The following ATP2B2 variants were observed in gnomAD, a reference collection of about 807,000 sequenced individuals.
ATP2B2 encodes the protein ATPase plasma membrane Ca2+ transporting 2.
In ATP2B2, 15 loss-of-function variants were observed where a neutral mutation model predicts 120.0. That is an observed-to-expected ratio of 0.12 (90% CI 0.08 to 0.19). The LOEUF (loss-of-function observed/expected upper bound fraction) is 0.19. ATP2B2 is among the 10% of genes least tolerant of loss of function. ATP2B2 has a pLI of 1.00. For synonymous variants in ATP2B2, 694 were observed against 700.3 expected, an observed-to-expected ratio of 0.99 and a Z score of 0.14; for missense variants, 1,045 against 1,719.8, an observed-to-expected ratio of 0.61 and a Z score of 6.94.
chr3:10,370,568 T>A lies in ATP2B2; in HGVS notation c.1659+1241A>T, dbSNP rs115968695. ...CCCTTAGCCTGCTGCTCCAGGATGA[T>A]GCGGGTGGCTGCTCAGCTGCTGTGG... On this transcript the variant is annotated intron_variant, in intron 12 of 22. Coordinates refer to ENST00000360273, the MANE Select transcript of ATP2B2 (RefSeq NM_001001331.4). 3.1e-3 allele frequency among the ~76,000 whole-genome samples: 469 copies of A among 152,334 alleles called. 2 individuals are homozygous for A. Among genetic ancestry groups the A allele is most frequent in the African/African-American group, 0.011 (442 of 41,572 alleles).
intron 2 of ATP2B2, among the ~76,000 whole-genome samples, chr3:10,438,308 C>T (rs2063542462): frequency 6.6e-6 from 1 of 152,216 alleles, no homozygotes; most frequent in African/African-American, 2.4e-5. Flanking sequence ...AGGGAACACT[C>T]CATTCTGCTG....
At chr3:10,460,745 G>A (rs1559365825) in intron 1 of ATP2B2, among the ~76,000 whole-genome samples, 2 of 152,194 alleles carry the variant, frequency 1.3e-5, no homozygotes, top group Non-Finnish European at 2.9e-5. Context: ...GTCCATCAGT[G>A]CCATCTGCCA....
intron 2 of ATP2B2, among the ~76,000 whole-genome samples, chr3:10,422,864 C>T (rs1444840253): frequency 6.6e-6 from 1 of 152,234 alleles, no homozygotes; most frequent in African/African-American, 2.4e-5. Context: ...CTATCACCTG[C>T]CTTTTCTCCA....
rs549979948 is a variant in ATP2B2 at position 10,703,122 on chromosome 3, C to A, written c.-460+4793G>T. Among the ~76,000 whole-genome samples, 7 of 152,330 alleles carry A rather than the reference C, an allele frequency of 4.6e-5. No homozygotes were observed. The East Asian group carries it at 7.7e-4, about 17-fold the overall frequency. On this transcript the variant is annotated intron_variant, in intron 1 of 21. Coordinates refer to the ATP2B2 transcript ENST00000646379. ...CCTCCGTCATTCTTCAAAGGTCTCT[C>A]CCCTGGAGACAATCCTCAGCGGCTC...
chr3:10,599,041 A>G (rs1171230113), intron 2 of ATP2B2, among the ~76,000 whole-genome samples: 1 of 152,236 alleles, frequency 6.6e-6, no homozygotes, highest in African/African-American at 2.4e-5. Flanking sequence ...GGCTTCAGAG[A>G]GGGACCCAGT....
At chr3:10,491,517 C>A (rs1042510512) in intron 1 of ATP2B2, among the ~76,000 whole-genome samples, 1 of 152,178 alleles carries the variant, frequency 6.6e-6, no homozygotes, top group East Asian at 1.9e-4. Flanking sequence ...TGAGCCAATG[C>A]GCCTGGCCTG....
intron 2 of ATP2B2, among the ~76,000 whole-genome samples, chr3:10,612,800 G>C (rs1187263181): frequency 6.6e-6 from 1 of 152,192 alleles, no homozygotes; most frequent in East Asian, 1.9e-4. Flanking sequence ...TTAGTAAATA[G>C]CACCAGCCTC....
intron 2 of ATP2B2, among the ~76,000 whole-genome samples, chr3:10,562,989 T>G (rs1559460288): frequency 6.6e-6 from 1 of 152,266 alleles, no homozygotes; most frequent in Non-Finnish European, 1.5e-5. Context: ...TATGGTTCCA[T>G]CCTATTTTCT....
At chr3:10,536,236 T>G (rs923386409) in intron 2 of ATP2B2, among the ~76,000 whole-genome samples, 1 of 152,174 alleles carries the variant, frequency 6.6e-6, no homozygotes, top group Non-Finnish European at 1.5e-5. Context: ...TTTTGAGACT[T>G]TTTTGTATAT....
At chr3:10,535,061 G>C (rs529843424) in intron 2 of ATP2B2, among the ~76,000 whole-genome samples, 142 of 151,922 alleles carry the variant, frequency 9.3e-4, no homozygotes, top group African/African-American at 2.9e-3. Flanking sequence ...ATGCTGCCAT[G>C]CCTGACTAAC....
intron 2 of ATP2B2, among the ~76,000 whole-genome samples, chr3:10,447,018 C>A (rs2063859557): frequency 6.6e-6 from 1 of 152,226 alleles, no homozygotes; most frequent in Non-Finnish European, 1.5e-5. Context: ...TCCTCCATAG[C>A]CAAGTCCAAA....
At chr3:10,463,537 C>A (rs2064592057) in intron 1 of ATP2B2, among the ~76,000 whole-genome samples, 1 of 152,234 alleles carries the variant, frequency 6.6e-6, no homozygotes, top group Non-Finnish European at 1.5e-5. Flanking sequence ...TCCCCTTTCA[C>A]AGATGAGCAA....
intron 2 of ATP2B2, among the ~76,000 whole-genome samples, chr3:10,556,019 C>T (rs1357719151): frequency 6.6e-6 from 1 of 152,220 alleles, no homozygotes; most frequent in Non-Finnish European, 1.5e-5. Context: ...TTGCCTCAGC[C>T]TCCTGAGTAG....
chr3:10,544,145 C>A (rs961781950), intron 2 of ATP2B2, among the ~76,000 whole-genome samples: 19 of 152,134 alleles, frequency 1.2e-4, no homozygotes, highest in African/African-American at 4.6e-4. Flanking sequence ...AATATGACTG[C>A]CATCATGGTC....
intron 3 of ATP2B2, among the ~76,000 whole-genome samples, chr3:10,410,114 C>T (rs1397287245): frequency 6.6e-6 from 1 of 152,128 alleles, no homozygotes; most frequent in Non-Finnish European, 1.5e-5. Context: ...GCAGATTAAC[C>T]CCCTTTTCTG....
chr3:10,388,759 C>T (rs2061758010), intron 5 of ATP2B2, among the ~76,000 whole-genome samples: 2 of 152,200 alleles, frequency 1.3e-5, no homozygotes, highest in Admixed American at 6.5e-5. Flanking sequence ...TTATCAGTGT[C>T]CATGATGCCA....
Position 10,375,553 on chromosome 3 carries a change from C to T in ATP2B2, c.1293G>A (p.Glu431=), listed in dbSNP as rs759795690. ...AGTACTGCACGTAGACGGGCGTGCACTCAGGCAGCCACGGCTTCTTGTTGA... is the reference window on the plus strand; with the variant it reads ...AGTACTGCACGTAGACGGGCGTGCATTCAGGCAGCCACGGCTTCTTGTTGA... The part of the protein sequence containing the change: ...FVVNKKPWLP[E]CTPVYVQYFV... The change falls in exon 11 of 23, where the codon GAG becomes GAA. Residue 431 remains glutamate (E), a synonymous_variant. Transcript: ENST00000360273. The surrounding 1 kb of genome is among the most constrained non-coding windows in gnomAD (Gnocchi z 4.2). 5.0e-6 allele frequency: 8 copies of T among 1,613,732 alleles called. No homozygotes were observed. Among genetic ancestry groups the T allele is most frequent in the Non-Finnish European group, 6.8e-6 (8 of 1,180,028 alleles).
At chr3:10,699,941 C>T (rs1208244351) in intron 1 of ATP2B2, among the ~76,000 whole-genome samples, 2 of 152,142 alleles carry the variant, frequency 1.3e-5, no homozygotes, top group African/African-American at 4.8e-5. Flanking sequence ...TGAACGCATA[C>T]ATTTCTCTTC....
At chr3:10,638,085 A>G (rs11710819) in intron 1 of ATP2B2, among the ~76,000 whole-genome samples, 4,274 of 152,322 alleles carry the variant, frequency 0.028, 74 homozygotes, top group South Asian at 0.089. Flanking sequence ...ATTTTTAGAC[A>G]TAAAAAGCTG....
Sources: gnomAD v4.1 joint callset for allele counts (sites outside exome capture counted in the v4.1 genomes callset) on GRCh38, gnomAD v4.1.1 for gene constraint, Gnocchi (gnomAD v3.1) non-coding constraint, MANE v1.5 for transcripts, NCBI Gene and HGNC (gene_info 2026-07-23, HGNC 2026-07-21) for gene names.